Variants in ENAH observed in about 807,000 individuals in gnomAD.
The protein encoded by ENAH is protein enabled homolog.
ENAH carries 23 observed loss-of-function variants against 78.7 expected under a neutral mutation model. That is an observed-to-expected ratio of 0.29 (90% CI 0.21 to 0.41). The LOEUF (loss-of-function observed/expected upper bound fraction) is 0.41, where lower values mean the gene tolerates loss of function less well. ENAH is among the 10% of genes least tolerant of loss of function. The pLI is 1.00. For missense variants in ENAH, 544 were observed against 691.0 expected (o/e 0.79, Z 2.39); for synonymous variants, 226 against 241.0 (o/e 0.94, Z 0.58).
intron 9 of ENAH, 121 bp downstream of exon 9, chr1:225,512,536 T>C: frequency 1.0e-6 from 1 of 992,718 alleles, no homozygotes; most frequent in Non-Finnish European, 1.4e-6. Flanking sequence ...TAGTTAAAAA[T>C]TAGCAAATAT....
At chr1:225,499,801 T>C (rs1197686299) in intron 12 of ENAH, among the ~76,000 whole-genome samples, 1 of 152,258 alleles carries the variant, frequency 6.6e-6, no homozygotes, top group Non-Finnish European at 1.5e-5. Context: ...TTGAATTGTG[T>C]GACTTTAACA....
intron 2 of ENAH, among the ~76,000 whole-genome samples, chr1:225,564,387 C>T (rs915722514): frequency 2.0e-5 from 3 of 151,708 alleles, no homozygotes; most frequent in Non-Finnish European, 2.9e-5. Context: ...CTCCCAGGTA[C>T]AAGCGATTCT....
At chr1:225,586,504 A>T (rs141521714) in intron 1 of ENAH, among the ~76,000 whole-genome samples, 64 of 152,098 alleles carry the variant, frequency 4.2e-4, no homozygotes, top group African/African-American at 1.4e-3. Context: ...GACCAGCGTG[A>T]TCCCAACATG....
intron 1 of ENAH, among the ~76,000 whole-genome samples, chr1:225,646,492 T>C (rs1314933045): frequency 6.6e-6 from 1 of 152,100 alleles, no homozygotes; most frequent in African/African-American, 2.4e-5. Flanking sequence ...ACTGGCAACC[T>C]GATCTCTGAC....
At chr1:225,554,830 G>A in intron 3 of ENAH, 76 bp downstream of exon 3, 1 of 1,284,878 alleles carries the variant, frequency 7.8e-7, no homozygotes. Context: ...TTCAGTTCAA[G>A]AATACAAGTA....
intron 1 of ENAH, among the ~76,000 whole-genome samples, chr1:225,632,545 ACC>A (rs1200381040): frequency 1.3e-5 from 2 of 152,166 alleles, no homozygotes; most frequent in Non-Finnish European, 1.5e-5. Context: ...AGATGAAAAG[ACC>A]TTTTAACTTC....
At chr1:225,588,626 G>A (rs568980488) in intron 1 of ENAH, among the ~76,000 whole-genome samples, 1 of 152,150 alleles carries the variant, frequency 6.6e-6, no homozygotes, top group African/African-American at 2.4e-5. Context: ...TGGCCAACAC[G>A]GTGAAACGCC....
At position 225,491,810 on chromosome 1, in the gene ENAH, A is replaced by G. The variant is rs1056559050; in HGVS notation, c.*5965T>C. 1.3e-5 allele frequency: 2 copies of G among 152,222 alleles called. No homozygotes were observed. The highest frequency in any genetic ancestry group is 4.1e-4 in the South Asian group (2 of 4,832). 9.4% of individuals were successfully genotyped at this position (152,222 alleles called of 1,614,324 possible). On this transcript the variant is annotated 3_prime_UTR_variant, in exon 14 of 14. Coordinates refer to ENST00000366843, the MANE Select transcript of ENAH (RefSeq NM_018212.6). Reference sequence around the variant, plus strand: ...CGATTTTCTAAGCCTTCTTAGAAGAATAACTATTTACTAAAACCCAACCAA... The same window carrying G: ...CGATTTTCTAAGCCTTCTTAGAAGAGTAACTATTTACTAAAACCCAACCAA...
chr1:225,588,122 G>C (rs1246047726), intron 1 of ENAH, among the ~76,000 whole-genome samples: 1 of 152,194 alleles, frequency 6.6e-6, no homozygotes, highest in Non-Finnish European at 1.5e-5. Flanking sequence ...CCCATAAAAA[G>C]ACACTTTTAA....
chr1:225,520,411 C>T (rs1238403595), intron 4 of ENAH, among the ~76,000 whole-genome samples: 1 of 152,086 alleles, frequency 6.6e-6, no homozygotes, highest in Admixed American at 6.5e-5. Context: ...TATAAAGACA[C>T]ACATCTATAT....
intron 11 of ENAH, among the ~76,000 whole-genome samples, chr1:225,503,791 G>A (rs2096303596): frequency 6.6e-6 from 1 of 151,730 alleles, no homozygotes; most frequent in African/African-American, 2.4e-5. Context: ...ATTTTAGCAA[G>A]TAAGAATTTG....
intron 1 of ENAH, among the ~76,000 whole-genome samples, chr1:225,572,222 T>C (rs1026535703): frequency 2.0e-5 from 3 of 152,138 alleles, no homozygotes; most frequent in African/African-American, 4.8e-5. Flanking sequence ...GGAAAAAAGC[T>C]ACTCACATAC....
At chr1:225,638,188 C>G (rs1558947064) in intron 1 of ENAH, among the ~76,000 whole-genome samples, 4 of 152,068 alleles carry the variant, frequency 2.6e-5, no homozygotes, top group Admixed American at 1.3e-4. Context: ...AATGCTGATT[C>G]TATTAAACTT....
chr1:225,625,035 G>A (rs558723719), intron 1 of ENAH, among the ~76,000 whole-genome samples: 2 of 152,140 alleles, frequency 1.3e-5, no homozygotes, highest in East Asian at 1.9e-4. Context: ...TCAGATGTTC[G>A]GAATTCCAGT....
intron 12 of ENAH, among the ~76,000 whole-genome samples, chr1:225,500,352 T>G (rs2096275144): frequency 1.3e-5 from 2 of 152,190 alleles, no homozygotes; most frequent in Admixed American, 6.5e-5. Context: ...TATCTTTTTC[T>G]TTTTTATAAA....
At chr1:225,545,105 T>TG (rs2096607079) in intron 3 of ENAH, among the ~76,000 whole-genome samples, 1 of 152,020 alleles carries the variant, frequency 6.6e-6, no homozygotes, top group African/African-American at 2.4e-5. Flanking sequence ...AATGTCCTCA[T>TG]GGGGGAGGAG....
chr1:225,569,422 T>C (rs950833258), intron 1 of ENAH, among the ~76,000 whole-genome samples: 2 of 152,188 alleles, frequency 1.3e-5, no homozygotes, highest in African/African-American at 2.4e-5. Flanking sequence ...CACGTATACC[T>C]ATGTAACAAA....
intron 1 of ENAH, among the ~76,000 whole-genome samples, chr1:225,626,353 A>T (rs1657948504): frequency 6.6e-6 from 1 of 152,238 alleles, no homozygotes; most frequent in Admixed American, 6.5e-5. Flanking sequence ...GTTTGAATGT[A>T]TGTGTCTCTC....
intron 1 of ENAH, among the ~76,000 whole-genome samples, chr1:225,628,039 T>C (rs1252086833): frequency 6.6e-6 from 1 of 152,248 alleles, no homozygotes; most frequent in Non-Finnish European, 1.5e-5. Context: ...TATAAGCAGC[T>C]GAAGGGGCAG....
Sources: allele counts gnomAD v4.1 joint callset (sites outside exome capture counted in the v4.1 genomes callset), GRCh38; gene constraint gnomAD v4.1.1; transcripts MANE v1.5; gene names NCBI Gene and HGNC (gene_info 2026-07-23, HGNC 2026-07-21).